Variants in DDX49 observed in about 807,000 individuals in gnomAD.
The protein encoded by DDX49 is DEAD-box helicase 49, also known as probable ATP-dependent RNA helicase DDX49.
In DDX49, 50 loss-of-function variants were observed where a neutral mutation model predicts 56.3. The ratio of observed to expected loss-of-function variants is 0.89; its 90% CI spans 0.71 to 1.12. The LOEUF (loss-of-function observed/expected upper bound fraction) is 1.12. Ranked by LOEUF, DDX49 falls within the 50% of genes most tolerant of loss-of-function variation. The pLI, the probability that DDX49 is intolerant of heterozygous loss-of-function variation, is 0.00. For missense variants in DDX49, 614 were observed against 650.5 expected (o/e 0.94, Z 0.61); for synonymous variants, 269 against 270.6 (o/e 0.99, Z 0.06).
chr19:18,928,453 C>A lies in DDX49; in HGVS notation c.*137C>A. ...AGAACCCGTGGGCGCTCGTGTTGTG[C>A]GGGCCCTGCTCCTCTGCCCCGAAAC... On this transcript the variant is annotated 3_prime_UTR_variant, in exon 13 of 13. Transcript: ENST00000247003. 1 of 850,602 alleles carries A rather than the reference C, an allele frequency of 1.2e-6. No homozygotes were observed. Among genetic ancestry groups the A allele is most frequent in the Non-Finnish European group, 1.8e-6 (1 of 569,210 alleles). The allele number at this position is 850,602 out of a possible 1,614,324, so 52.7% of individuals were successfully genotyped here.
chr19:18,925,107 T>C (rs2056950591), intron 9 of DDX49, 128 bp downstream of exon 9: 2 of 1,241,114 alleles, frequency 1.6e-6, no homozygotes, highest in Admixed American at 5.9e-5. Context: ...TGTTTGCAAG[T>C]TGGGGAGTTG....
intron 10 of DDX49, 27 bp downstream of exon 10, chr19:18,926,404 A>AG: frequency 2.0e-6 from 1 of 508,484 alleles, no homozygotes; most frequent in Non-Finnish European, 3.6e-6. Context: ...TGGGTGGTAG[A>AG]GAAGGAGGGG....
chr19:18,926,482 C>A, intron 10 of DDX49, 105 bp downstream of exon 10: 1 of 1,182,294 alleles, frequency 8.5e-7, no homozygotes, highest in Non-Finnish European at 1.2e-6. Flanking sequence ...CCGGCCTGCT[C>A]CCGTGAGCAG....
At chr19:18,923,259 C>A (rs563883801) in intron 6 of DDX49, among the ~76,000 whole-genome samples, 2 of 152,312 alleles carry the variant, frequency 1.3e-5, no homozygotes, top group South Asian at 2.1e-4. Context: ...CAGTGACTCA[C>A]ACCTGTAATC....
chr19:18,925,151 C>T (rs528809589), intron 9 of DDX49, 172 bp downstream of exon 9: 37 of 984,262 alleles, frequency 3.8e-5, no homozygotes, highest in African/African-American at 3.1e-4. Flanking sequence ...CCCAGCTACT[C>T]GGGAGGCTGA....
intron 6 of DDX49, among the ~76,000 whole-genome samples, chr19:18,923,846 C>A (rs1427673017): frequency 6.9e-6 from 1 of 145,884 alleles, no homozygotes; most frequent in Non-Finnish European, 1.5e-5. Context: ...CTCACGCTGT[C>A]CCCCAGGCTG....
chr19:18,921,532 G>A, intron 2 of DDX49, 131 bp from the exon 3 acceptor site: 1 of 843,702 alleles, frequency 1.2e-6, no homozygotes, highest in South Asian at 1.5e-5. Context: ...CTCAGCATCA[G>A]AGCCTTTGTG....
At chr19:18,922,838 C>A in intron 6 of DDX49, 94 bp downstream of exon 6, 1 of 1,473,160 alleles carries the variant, frequency 6.8e-7, no homozygotes. Context: ...TCTCAGCACT[C>A]CCCAGCCTCT....
chr19:18,921,982 C>A lies in DDX49; in HGVS notation c.447+18C>A. The A allele has an allele frequency of 6.3e-7, 1 of 1,596,106 alleles. No individual in the cohort carries two copies. Among genetic ancestry groups the A allele is most frequent in the Non-Finnish European group, 8.6e-7 (1 of 1,168,974 alleles). On this transcript the variant is annotated intron_variant, in intron 4 of 12. Coordinates refer to ENST00000247003, the MANE Select transcript of DDX49 (RefSeq NM_019070.5). The stretch of plus-strand genomic sequence containing the variant: ...GCTTCCTGGTGAGTTCGCCCCGCCC[C>A]TGCAGACCTCAGGAGCTGGGCTCGG...
chr19:18,926,251 G>C, intron 9 of DDX49, 52 bp from the exon 10 acceptor site: 1 of 1,536,266 alleles, frequency 6.5e-7, no homozygotes, highest in Non-Finnish European at 8.8e-7. Context: ...ACCTTTATTC[G>C]CCCCATGTCC....
chr19:18,927,603 C>T, intron 10 of DDX49, 163 bp from the exon 11 acceptor site: 1 of 624,464 alleles, frequency 1.6e-6, no homozygotes, highest in South Asian at 1.8e-5. Flanking sequence ...TCCATACCTT[C>T]CTTACCTCAG....
intron 10 of DDX49, among the ~76,000 whole-genome samples, chr19:18,927,262 C>T (rs739577): frequency 0.11 from 16,646 of 151,788 alleles, 1,237 homozygotes; most frequent in Middle Eastern, 0.2. Flanking sequence ...AGCACACGCC[C>T]GTAGTTCCAA....
In DDX49 at chr19:18,926,296, C is replaced by A; in HGVS notation, c.1028-7C>A. On this transcript the variant is annotated splice_region_variant and splice_polypyrimidine_tract_variant and intron_variant, in intron 9 of 12. Transcript: ENST00000247003. ...GCACATAGCAGATAACCGGCACATC[C>A]CCACAGGGCGGCAGGGTCAGGCCAT... 6.4e-7 allele frequency: 1 copy of A among 1,570,564 alleles called. No homozygotes were observed. Among genetic ancestry groups the A allele is most frequent in the East Asian group, 2.3e-5 (1 of 43,182 alleles).
chr19:18,926,277 A>G, intron 9 of DDX49, 26 bp from the exon 10 acceptor site: 1 of 1,562,984 alleles, frequency 6.4e-7, no homozygotes, highest in Non-Finnish European at 8.7e-7. Context: ...CCCAGCACAT[A>G]GCAGATAACC....
chr19:18,923,411 AC>A (rs1354049359), intron 6 of DDX49, among the ~76,000 whole-genome samples: 3 of 152,110 alleles, frequency 2.0e-5, no homozygotes, highest in South Asian at 4.1e-4. Context: ...AGTCCCAGCT[AC>A]TGGGGAAGGT....
chr19:18,924,953 A>G lies in DDX49; in HGVS notation c.1001A>G (p.His334Arg). 1 of 1,612,166 alleles carries G rather than the reference A, an allele frequency of 6.2e-7. No homozygotes were observed. The highest frequency in any genetic ancestry group is 1.1e-5 in the South Asian group (1 of 91,090). Residue 334 changes from histidine (H) to arginine (R), a missense_variant, in exon 9 of 13, where the codon CAC becomes CGC. Transcript: ENST00000247003. The part of the protein sequence containing the change: ...NTPGLPKIYI[H>R]RVGRTARAGR... Reference sequence around the variant, plus strand: ...CCCGGGCTCCCCAAGATCTACATCCACCGAGTCGGCCGGACGGCCCGTGCA... The same window carrying G: ...CCCGGGCTCCCCAAGATCTACATCCGCCGAGTCGGCCGGACGGCCCGTGCA...
At chr19:18,921,434 G>A (rs982806849) in intron 2 of DDX49, among the ~76,000 whole-genome samples, 1 of 152,208 alleles carries the variant, frequency 6.6e-6, no homozygotes, top group Non-Finnish European at 1.5e-5. Flanking sequence ...AGGAAGAGAT[G>A]CTGAGGTCAG....
At chr19:18,920,237 G>A (rs558074299) in intron 1 of DDX49, among the ~76,000 whole-genome samples, 93 of 152,246 alleles carry the variant, frequency 6.1e-4, no homozygotes, top group African/African-American at 2.1e-3. Flanking sequence ...TGCTCCTCTA[G>A]GAGAAGGTCT....
chr19:18,926,287 C>G lies in DDX49; in HGVS notation c.1028-16C>G, dbSNP rs180961653. 3.8e-6 allele frequency: 6 copies of G among 1,566,774 alleles called. No individual in the cohort carries two copies. In the Admixed American group the frequency reaches 1.2e-4, roughly 30 times the overall value. On this transcript the variant is annotated splice_polypyrimidine_tract_variant and intron_variant, in intron 9 of 12. Coordinates refer to ENST00000247003, the MANE Select transcript of DDX49 (RefSeq NM_019070.5). ...TGACGCCCAGCACATAGCAGATAAC[C>G]GGCACATCCCCACAGGGCGGCAGGG...
Sources: gnomAD v4.1 joint callset for allele counts (sites outside exome capture counted in the v4.1 genomes callset) on GRCh38, gnomAD v4.1.1 for gene constraint, MANE v1.5 for transcripts, NCBI Gene and HGNC (gene_info 2026-07-23, HGNC 2026-07-21) for gene names.